PAQR3: variants seen among roughly 807,000 people sequenced by gnomAD.
The protein encoded by PAQR3 is progestin and adipoQ receptor family member 3.
Under a neutral mutation model 41.7 loss-of-function variants are expected in PAQR3, and 39 were observed. The ratio of observed to expected loss-of-function variants is 0.93; its 90% CI spans 0.72 to 1.22. The LOEUF (loss-of-function observed/expected upper bound fraction) is 1.22, where lower values mean the gene tolerates loss of function less well. Among genes scored for constraint, PAQR3 ranks in the 50% most tolerant of loss-of-function variants. The probability of loss-of-function intolerance (pLI) is 0.00; values close to 1 mark genes in which losing one functional copy is unlikely to be tolerated. For missense variants in PAQR3, 366 were observed against 385.6 expected (o/e 0.95, Z 0.42); for synonymous variants, 140 against 140.6 (o/e 1.00, Z 0.03).
Position 78,919,472 on chromosome 4 carries a change from A to G in PAQR3, c.*1067T>C. The G allele has an allele frequency of 1.0e-6, 1 of 985,112 alleles. No homozygotes were observed. The highest frequency in any genetic ancestry group is 1.2e-6 in the Non-Finnish European group (1 of 829,718). 61.0% of individuals were successfully genotyped at this position (985,112 alleles called of 1,614,324 possible). ...CTTCAGGCCCAAATATTAAGTGTTT[A>G]TCAAGATTCTGAGTTATCAATGCAA... is the stretch of plus-strand genomic sequence containing the variant. On this transcript the variant is annotated 3_prime_UTR_variant, in exon 6 of 6. Coordinates refer to ENST00000512733, the MANE Select transcript of PAQR3 (RefSeq NM_001040202.2).
At chr4:78,936,064 T>C (rs2110174758) in intron 1 of PAQR3, among the ~76,000 whole-genome samples, 1 of 152,346 alleles carries the variant, frequency 6.6e-6, no homozygotes, top group South Asian at 2.1e-4. Flanking sequence ...AGAGGCTCAC[T>C]GTCCCCACCC....
chr4:78,911,728 C>T (rs1375744924), downstream of PAQR3: 2 of 1,613,874 alleles, frequency 1.2e-6, no homozygotes, highest in East Asian at 2.2e-5. Context: ...TGTCTTACAA[C>T]CTGAGGAGAG....
At chr4:78,896,665 A>G (rs1402112962) in intron 11 of PAQR3, among the ~76,000 whole-genome samples, 3 of 152,210 alleles carry the variant, frequency 2.0e-5, no homozygotes, top group Non-Finnish European at 2.9e-5. Flanking sequence ...CTTGATTTTT[A>G]CAAATGAATT....
chr4:78,912,785 C>T lies in PAQR3; in HGVS notation c.*7754G>A, dbSNP rs112984624. The T allele has an allele frequency of 7.6e-6, 1 of 131,484 alleles. No individual in the cohort carries two copies. Among genetic ancestry groups the T allele is most frequent in the African/African-American group, 3.0e-5 (1 of 33,370 alleles). The allele number at this position is 131,484 out of a possible 1,614,324, so 8.1% of individuals were successfully genotyped here. A position where few individuals can be genotyped will look rare whatever the true frequency, so the allele number is the denominator to read the frequency against. Reference sequence around the variant, plus strand: ...AAAACAAATTAAAAAAATGGACTATCGTCGCACAGAAGCCTAGAACAAAAA... The same window carrying T: ...AAAACAAATTAAAAAAATGGACTATTGTCGCACAGAAGCCTAGAACAAAAA... On this transcript the variant is annotated 3_prime_UTR_variant, in exon 6 of 6. Transcript: ENST00000512733.
Position 78,920,361 on chromosome 4 carries a change from T to C in PAQR3, c.*178A>G, listed in dbSNP as rs549360314. 7.3e-5 allele frequency: 90 copies of C among 1,230,940 alleles called. No individual in the cohort carries two copies. The African/African-American group carries it at 1.3e-3, about 18-fold the overall frequency. The allele number at this position is 1,230,940 out of a possible 1,614,324, so 76.3% of individuals were successfully genotyped here. ...CAGCAAATTAGTAGTTTTAAGGATT[T>C]TGTAAAGCAGTTATTACTACAGATC... is the stretch of plus-strand genomic sequence containing the variant. On this transcript the variant is annotated 3_prime_UTR_variant, in exon 6 of 6. Coordinates refer to ENST00000512733, the MANE Select transcript of PAQR3 (RefSeq NM_001040202.2).
intron 5 of PAQR3, among the ~76,000 whole-genome samples, 190 bp from the exon 6 acceptor site, chr4:78,920,871 T>G (rs1050660887): frequency 7.9e-5 from 12 of 151,958 alleles, no homozygotes; most frequent in Non-Finnish European, 1.8e-4. Flanking sequence ...AAGGTTTTAT[T>G]TATTAAGTAC....
At chr4:78,908,919 AAG>A (rs1370331725), downstream of PAQR3, among the ~76,000 whole-genome samples, 6 of 152,036 alleles carry the variant, frequency 3.9e-5, no homozygotes, top group African/African-American at 1.4e-4. Flanking sequence ...GCCATCCACC[AAG>A]AGTTTTCAAT....
In PAQR3 at chr4:78,918,422, A is replaced by G; in HGVS notation, c.*2117T>C. On this transcript the variant is annotated 3_prime_UTR_variant, in exon 6 of 6. Transcript: ENST00000512733. ...ACATACAGAAGTGTTTCTAGTTAACAGCAATCCATATTCATTCATTCATTC... is the reference window on the plus strand; with the variant it reads ...ACATACAGAAGTGTTTCTAGTTAACGGCAATCCATATTCATTCATTCATTC... 2.0e-6 allele frequency: 2 copies of G among 976,234 alleles called. No individual in the cohort carries two copies. The highest frequency in any genetic ancestry group is 2.4e-6 in the Non-Finnish European group (2 of 821,242). The allele number at this position is 976,234 out of a possible 1,614,324, so 60.5% of individuals were successfully genotyped here. A position where few individuals can be genotyped will look rare whatever the true frequency, so the allele number is the denominator to read the frequency against.
intron 11 of PAQR3, among the ~76,000 whole-genome samples, chr4:78,898,320 A>G (rs1193815958): frequency 6.6e-6 from 1 of 152,100 alleles, no homozygotes; most frequent in Non-Finnish European, 1.5e-5. Context: ...CATAACATTT[A>G]CAGATTGTCA....
At chr4:78,911,727 A>T, downstream of PAQR3, 1 of 1,613,934 alleles carries the variant, frequency 6.2e-7, no homozygotes, top group South Asian at 1.1e-5. Context: ...ATGTCTTACA[A>T]CCTGAGGAGA....
At chr4:78,905,027 A>C (rs562353666) in intron 11 of PAQR3, among the ~76,000 whole-genome samples, 3 of 152,084 alleles carry the variant, frequency 2.0e-5, no homozygotes, top group African/African-American at 4.8e-5. Flanking sequence ...TATGTGGAAT[A>C]TATGAATGTA....
chr4:78,889,214 C>T (rs1733284691), intron 11 of PAQR3, among the ~76,000 whole-genome samples: 1 of 115,778 alleles, frequency 8.6e-6, no homozygotes, highest in Non-Finnish European at 1.6e-5. Context: ...GAGTGAGACT[C>T]TGTCTCAAAA....
At chr4:78,932,142 A>C (rs1736967146) in intron 2 of PAQR3, among the ~76,000 whole-genome samples, 1 of 152,206 alleles carries the variant, frequency 6.6e-6, no homozygotes, top group African/African-American at 2.4e-5. Context: ...AAACAAATCT[A>C]GTTACTATAG....
chr4:78,933,958 A>G (rs1167354283), intron 2 of PAQR3, among the ~76,000 whole-genome samples: 1 of 152,222 alleles, frequency 6.6e-6, no homozygotes, highest in Non-Finnish European at 1.5e-5. Context: ...ATGATTATTA[A>G]TAGCATGTTA....
At chr4:78,923,518 C>T in intron 5 of PAQR3, 1 of 283,942 alleles carries the variant, frequency 3.5e-6, no homozygotes, top group South Asian at 4.6e-5. Flanking sequence ...TTTAAAGAAC[C>T]AGCTGGCATA....
rs1735532411 is a variant in PAQR3 at position 78,920,384 on chromosome 4, A to T, written c.*155T>A. On this transcript the variant is annotated 3_prime_UTR_variant, in exon 6 of 6. Transcript: ENST00000512733. ...TTTTGTAAAGCAGTTATTACTACAG[A>T]TCCTTAAGTATACTTTTTTTCCCAT... 1 of 1,274,766 alleles carries T rather than the reference A, an allele frequency of 7.8e-7. No homozygotes were observed. The highest frequency in any genetic ancestry group is 3.0e-5 in the South Asian group (1 of 33,886). 79.0% of individuals were successfully genotyped at this position (1,274,766 alleles called of 1,614,324 possible).
chr4:78,894,166 C>T (rs148608348), intron 11 of PAQR3, among the ~76,000 whole-genome samples: 8 of 152,198 alleles, frequency 5.3e-5, no homozygotes, highest in African/African-American at 1.4e-4. Flanking sequence ...TTAAGGGCCT[C>T]GAAGTTTTGG....
chr4:78,932,984 T>C (rs1355048333), intron 2 of PAQR3: 3 of 343,054 alleles, frequency 8.7e-6, no homozygotes, highest in South Asian at 2.3e-5. Context: ...CTCCTTGGCA[T>C]GATAACAAAA....
chr4:78,930,069 A>T (rs966922677), intron 3 of PAQR3, 101 bp downstream of exon 3: 2 of 1,161,836 alleles, frequency 1.7e-6, no homozygotes, highest in Non-Finnish European at 2.4e-6. Flanking sequence ...TATTTAGTCT[A>T]TAAGTTAATT....
Sources: gnomAD v4.1 joint callset for allele counts (sites outside exome capture counted in the v4.1 genomes callset) on GRCh38, gnomAD v4.1.1 for gene constraint, MANE v1.5 for transcripts, NCBI Gene and HGNC (gene_info 2026-07-23, HGNC 2026-07-21) for gene names.